Variants in RAP1GAP2 observed in about 807,000 individuals in gnomAD.
The protein encoded by RAP1GAP2 is rap1 GTPase-activating protein 2.
Under a neutral mutation model 95.0 loss-of-function variants are expected in RAP1GAP2, and 27 were observed. The ratio of observed to expected loss-of-function variants is 0.28; its 90% CI spans 0.21 to 0.39. The LOEUF (loss-of-function observed/expected upper bound fraction) is 0.39. Among genes scored for constraint, RAP1GAP2 ranks in the 10% least tolerant of loss-of-function variants. RAP1GAP2 has a pLI of 1.00. For synonymous variants in RAP1GAP2, 373 were observed against 380.9 expected, an observed-to-expected ratio of 0.98 and a Z score of 0.24; for missense variants, 771 against 970.0, an observed-to-expected ratio of 0.79 and a Z score of 2.72.
chr17:2,900,267 A>G (rs1232337810), intron 2 of RAP1GAP2, among the ~76,000 whole-genome samples: 1 of 152,168 alleles, frequency 6.6e-6, no homozygotes, highest in African/African-American at 2.4e-5. Context: ...ACTGGTGCTC[A>G]TTTGAGATGC....
chr17:2,841,303 A>T (rs1019158492), intron 2 of RAP1GAP2, among the ~76,000 whole-genome samples: 15 of 127,004 alleles, frequency 1.2e-4, no homozygotes, highest in African/African-American at 3.9e-4. Flanking sequence ...GATATGGGGA[A>T]TTTTTTTTTT....
chr17:2,791,552 A>G (rs755275069), upstream of RAP1GAP2, among the ~76,000 whole-genome samples: 3 of 152,200 alleles, frequency 2.0e-5, no homozygotes, highest in Non-Finnish European at 4.4e-5. Flanking sequence ...GCTGATAATC[A>G]TCAAGCTGGG....
At chr17:2,837,273 A>ATGAATT (rs938155495) in intron 2 of RAP1GAP2, among the ~76,000 whole-genome samples, 1 of 148,692 alleles carries the variant, frequency 6.7e-6, no homozygotes, top group Non-Finnish European at 1.5e-5. Flanking sequence ...AAAAAAAAGC[A>ATGAATT]TGAATTTGAA....
At chr17:2,910,011 A>T (rs2042319749) in intron 3 of RAP1GAP2, among the ~76,000 whole-genome samples, 1 of 152,132 alleles carries the variant, frequency 6.6e-6, no homozygotes, top group South Asian at 2.1e-4. Flanking sequence ...AAAGCTAACC[A>T]CCCATGAGGG....
chr17:2,843,974 C>T (rs929280703), intron 2 of RAP1GAP2, among the ~76,000 whole-genome samples: 2 of 151,880 alleles, frequency 1.3e-5, no homozygotes, highest in Non-Finnish European at 2.9e-5. Context: ...GAGTTTGGAG[C>T]GTTGGGTAAA....
At chr17:2,945,260 T>C (rs2043660826) in intron 3 of RAP1GAP2, among the ~76,000 whole-genome samples, 1 of 152,200 alleles carries the variant, frequency 6.6e-6, no homozygotes, top group Non-Finnish European at 1.5e-5. Context: ...TTATTATTTT[T>C]ATTGTTTGTC....
chr17:2,897,530 T>C (rs2041876537), intron 2 of RAP1GAP2, among the ~76,000 whole-genome samples: 1 of 151,634 alleles, frequency 6.6e-6, no homozygotes, highest in Admixed American at 6.6e-5. Context: ...TGGCTAATTT[T>C]TGTATTTTGA....
At chr17:2,759,819 C>G (rs2071210690) in intron 1 of RAP1GAP2, among the ~76,000 whole-genome samples, 1 of 152,106 alleles carries the variant, frequency 6.6e-6, no homozygotes, top group Non-Finnish European at 1.5e-5. Flanking sequence ...ACTCCTGGCT[C>G]AAGTGATGCA....
chr17:3,026,519 C>T, intron 21 of RAP1GAP2, 55 bp downstream of exon 21: 2 of 1,353,066 alleles, frequency 1.5e-6, no homozygotes, highest in Admixed American at 4.6e-5. Context: ...AGCCAGCCAC[C>T]CTCCTTGCAT....
intron 2 of RAP1GAP2, among the ~76,000 whole-genome samples, chr17:2,875,024 C>G (rs2073030930): frequency 6.6e-6 from 1 of 152,186 alleles, no homozygotes; most frequent in Non-Finnish European, 1.5e-5. Context: ...TCAAAATTAC[C>G]TTGGGGACGG....
At chr17:2,969,672 T>G (rs2044773744) in intron 8 of RAP1GAP2, among the ~76,000 whole-genome samples, 1 of 151,720 alleles carries the variant, frequency 6.6e-6, no homozygotes, top group African/African-American at 2.4e-5. Context: ...TGGCTAATTT[T>G]TTTGTATTTT....
chr17:2,791,513 T>C (rs2151464276), upstream of RAP1GAP2, among the ~76,000 whole-genome samples: 1 of 152,360 alleles, frequency 6.6e-6, no homozygotes, highest in South Asian at 2.1e-4. Flanking sequence ...TGATGCACTG[T>C]GCATTTCTGT....
At chr17:2,935,758 G>A (rs2043287999) in intron 3 of RAP1GAP2, among the ~76,000 whole-genome samples, 1 of 152,220 alleles carries the variant, frequency 6.6e-6, no homozygotes, top group South Asian at 2.1e-4. Context: ...CACAAAGGAG[G>A]CAAGTGAGGC....
chr17:3,005,207 C>T lies in RAP1GAP2; in HGVS notation c.1201-162C>T, dbSNP rs2046296014. 1.4e-6 allele frequency: 1 copy of T among 740,620 alleles called. No individual in the cohort carries two copies. The highest frequency in any genetic ancestry group is 2.4e-6 in the Non-Finnish European group (1 of 422,682). 45.9% of individuals were successfully genotyped at this position (740,620 alleles called of 1,614,324 possible). A position where few individuals can be genotyped will look rare whatever the true frequency, so the allele number is the denominator to read the frequency against. The stretch of plus-strand genomic sequence containing the variant: ...CACCGTCCGGCCCCACTTCTAGGAA[C>T]AGGGTCAGGGCCTGTGCTGGCGATG... On this transcript the variant is annotated intron_variant, in intron 14 of 24. Transcript: ENST00000254695. The surrounding 1 kb of genome is among the most constrained non-coding windows in gnomAD (Gnocchi z 5.2).
Position 2,963,957 on chromosome 17 carries a change from G to GA in RAP1GAP2, c.382dup (p.Ser128LysfsTer5). 6.2e-7 allele frequency: 1 copy of GA among 1,613,292 alleles called. No homozygotes were observed. Among genetic ancestry groups the GA allele is most frequent in the Non-Finnish European group, 8.5e-7 (1 of 1,179,776 alleles). ...ACGTGGGCACCCCAACATCGCTGGG[G>GA]AGCAGCATCTGTGAGGAGGAGGAAG... is the stretch of plus-strand genomic sequence containing the variant. On this transcript the variant is annotated frameshift_variant, in exon 7 of 25. Transcript: ENST00000254695. LOFTEE classifies it high-confidence loss of function. This position sits in a 1 kb window ranked among gnomAD's most constrained non-coding sequence, Gnocchi z 4.8.
chr17:2,933,809 T>A (rs2043226794), intron 3 of RAP1GAP2, among the ~76,000 whole-genome samples: 1 of 152,236 alleles, frequency 6.6e-6, no homozygotes, highest in Non-Finnish European at 1.5e-5. Flanking sequence ...TGAGCCCCAC[T>A]TTGGGGGAAG....
At position 2,857,072 on chromosome 17, in the gene RAP1GAP2, T is replaced by C. The variant is rs114058541; in HGVS notation, c.81-48212T>C. Among the ~76,000 whole-genome samples the C allele has an allele frequency of 4.4e-3, 671 of 152,310 alleles. 8 individuals are homozygous for C. Among genetic ancestry groups the C allele is most frequent in the African/African-American group, 0.015 (623 of 41,574 alleles). ...TCTCTTAAGCATCCCCCATACTCCATGCTGGGCGTTACATTTGATGAGCTC... is the reference window on the plus strand; with the variant it reads ...TCTCTTAAGCATCCCCCATACTCCACGCTGGGCGTTACATTTGATGAGCTC... On this transcript the variant is annotated intron_variant, in intron 2 of 24. Transcript: ENST00000254695. This position sits in a 1 kb window ranked among gnomAD's most constrained non-coding sequence, Gnocchi z 4.0.
chr17:2,826,705 C>T (rs566798956), intron 2 of RAP1GAP2, among the ~76,000 whole-genome samples: 9 of 152,176 alleles, frequency 5.9e-5, no homozygotes, highest in African/African-American at 2.2e-4. Context: ...AGCCCACGTG[C>T]AGCATGAAAG....
At chr17:2,795,001 C>T (rs983968289), upstream of RAP1GAP2, among the ~76,000 whole-genome samples, 6 of 150,422 alleles carry the variant, frequency 4.0e-5, no homozygotes, top group South Asian at 6.3e-4. Flanking sequence ...CCTCAGCCTC[C>T]AGAGTAGCTG....
Sources: gnomAD v4.1 joint callset for allele counts (sites outside exome capture counted in the v4.1 genomes callset) on GRCh38, gnomAD v4.1.1 for gene constraint, Gnocchi (gnomAD v3.1) non-coding constraint, MANE v1.5 for transcripts, NCBI Gene and HGNC (gene_info 2026-07-23, HGNC 2026-07-21) for gene names.